PBRM1: variants seen among roughly 807,000 people sequenced by gnomAD.
PBRM1 encodes the protein protein polybromo-1.
Under a neutral mutation model 194.5 loss-of-function variants are expected in PBRM1, and 27 were observed. The observed-to-expected ratio is 0.14, with a 90% CI of 0.10 to 0.19. The LOEUF is 0.19. Ranked by LOEUF, PBRM1 falls within the 10% of genes least tolerant of loss-of-function variation. PBRM1 has a pLI of 1.00. For missense variants in PBRM1, 1,466 were observed against 2,077.2 expected, an observed-to-expected ratio of 0.71 and a Z score of 5.72; for synonymous variants, 655 against 693.2, an observed-to-expected ratio of 0.94 and a Z score of 0.87.
intron 16 of PBRM1, among the ~76,000 whole-genome samples, chr3:52,604,692 T>C (rs1457577973): frequency 6.6e-6 from 1 of 151,492 alleles, no homozygotes; most frequent in Non-Finnish European, 1.5e-5. Flanking sequence ...AGACCCTGTC[T>C]GTTAAAAAAA....
intron 15 of PBRM1, among the ~76,000 whole-genome samples, chr3:52,612,053 T>G: frequency 6.8e-6 from 1 of 147,498 alleles, no homozygotes; most frequent in East Asian, 2.0e-4. Context: ...AGGTTAGGAG[T>G]TCAAGACCAG....
At chr3:52,633,331 C>T (rs2095685339) in intron 11 of PBRM1, among the ~76,000 whole-genome samples, 1 of 152,102 alleles carries the variant, frequency 6.6e-6, no homozygotes, top group South Asian at 2.1e-4. Context: ...AAGCTTCATC[C>T]ATGTTAGAGC....
At chr3:52,659,487 C>T (rs1293092547) in intron 4 of PBRM1, among the ~76,000 whole-genome samples, 1 of 152,058 alleles carries the variant, frequency 6.6e-6, no homozygotes, top group African/African-American at 2.4e-5. Context: ...AGTGGTGTGA[C>T]CATGGCTCAC....
At chr3:52,638,381 C>T (rs1207082433) in intron 10 of PBRM1, among the ~76,000 whole-genome samples, 52 of 147,044 alleles carry the variant, frequency 3.5e-4, no homozygotes, top group Non-Finnish European at 5.8e-4. Context: ...TTTTTTGAGA[C>T]GGAGTCTCGC....
chr3:52,649,563 C>T (rs1429201355), intron 6 of PBRM1, among the ~76,000 whole-genome samples: 1 of 152,194 alleles, frequency 6.6e-6, no homozygotes, highest in African/African-American at 2.4e-5. Context: ...AGGCTAGTTC[C>T]TCAACCTTTC....
At chr3:52,629,018 T>C in exon 12 of PBRM1, 3 of 1,608,550 alleles carry the variant, frequency 1.9e-6, no homozygotes, top group Non-Finnish European at 1.7e-6. Flanking sequence ...TTCATATTCT[T>C]GATTCTTCAG....
At chr3:52,572,504 C>T (rs1312066760) in intron 22 of PBRM1, among the ~76,000 whole-genome samples, 6 of 152,062 alleles carry the variant, frequency 3.9e-5, no homozygotes, top group South Asian at 4.1e-4. Context: ...TCTGAGTAGC[C>T]GGGATTACAG....
intron 25 of PBRM1, among the ~76,000 whole-genome samples, 182 bp from the exon 28 acceptor site, chr3:52,558,595 A>G (rs2082717872): frequency 6.6e-6 from 1 of 152,220 alleles, no homozygotes. Flanking sequence ...CCTAGAGTCC[A>G]GCTTTCCTAT....
rs925103329 is a variant in PBRM1 at position 52,609,209 on chromosome 3, A to G, written c.2567+104T>C. The G allele has an allele frequency of 5.6e-6, 5 of 894,720 alleles. No homozygotes were observed. Among genetic ancestry groups the G allele is most frequent in the Non-Finnish European group, 8.6e-6 (5 of 581,440 alleles). The allele number at this position is 894,720 out of a possible 1,614,324, so 55.4% of individuals were successfully genotyped here. A position where few individuals can be genotyped will look rare whatever the true frequency, so the allele number is the denominator to read the frequency against. Reference sequence around the variant, plus strand: ...TCAGAATAGCATGCTACCAACTACAAATCATGTATGTAAGTGGAAATAGTA... The same window carrying G: ...TCAGAATAGCATGCTACCAACTACAGATCATGTATGTAAGTGGAAATAGTA... On this transcript the variant is annotated intron_variant, in intron 16 of 29. Transcript: ENST00000296302. The surrounding 1 kb of genome is among the most constrained non-coding windows in gnomAD (Gnocchi z 4.1).
At chr3:52,575,604 CTG>C (rs1174783510) in intron 22 of PBRM1, among the ~76,000 whole-genome samples, 50 of 143,828 alleles carry the variant, frequency 3.5e-4, no homozygotes, top group African/African-American at 1.1e-3. Flanking sequence ...GCCTCTGCCT[CTG>C]CCTCTGCCTC....
chr3:52,643,640 T>C (rs1195859965), intron 8 of PBRM1, among the ~76,000 whole-genome samples: 11 of 152,144 alleles, frequency 7.2e-5, no homozygotes, highest in African/African-American at 2.4e-4. Context: ...CCATTTCAGG[T>C]AGGGAGAAAT....
At chr3:52,622,932 C>T (rs759592928) in intron 13 of PBRM1, among the ~76,000 whole-genome samples, 13 of 152,152 alleles carry the variant, frequency 8.5e-5, no homozygotes, top group Non-Finnish European at 1.5e-4. Flanking sequence ...AATACTTCTA[C>T]CAAATGTTAA....
intron 2 of PBRM1, among the ~76,000 whole-genome samples, chr3:52,677,653 T>C (rs1213638190): frequency 6.6e-6 from 1 of 152,132 alleles, no homozygotes; most frequent in African/African-American, 2.4e-5. Context: ...CCTCAGCTGA[T>C]CCACCCGCCT....
intron 27 of PBRM1, among the ~76,000 whole-genome samples, chr3:52,552,327 C>T (rs1247901579): frequency 6.6e-6 from 1 of 152,162 alleles, no homozygotes; most frequent in Admixed American, 6.5e-5. Context: ...CTTGGGCAGC[C>T]GGTGAGAATC....
intron 25 of PBRM1, chr3:52,560,715 A>G (rs914180793): frequency 1.3e-5 from 2 of 152,222 alleles, no homozygotes; most frequent in African/African-American, 4.8e-5. Context: ...TTTTGCCACA[A>G]AATGTTTTTT....
intron 11 of PBRM1, among the ~76,000 whole-genome samples, chr3:52,631,487 C>G (rs1560540440): frequency 6.6e-6 from 1 of 152,238 alleles, no homozygotes; most frequent in South Asian, 2.1e-4. Flanking sequence ...CTTCTTGACT[C>G]TATCTGGGTA....
intron 10 of PBRM1, among the ~76,000 whole-genome samples, chr3:52,637,773 CAAAAAAAAAAAAAAAAAAAA>C (rs755241328): frequency 2.4e-5 from 1 of 42,236 alleles, no homozygotes. Flanking sequence ...ACTAAAAATA[CAAAAAAAAAAAAAAAAAAAA>C]AAAATTAGCC....
At chr3:52,580,628 CG>C (rs2090922769) in intron 20 of PBRM1, among the ~76,000 whole-genome samples, 1 of 152,132 alleles carries the variant, frequency 6.6e-6, no homozygotes, top group Admixed American at 6.5e-5. Context: ...TCCCAAAGTG[CG>C]GGGATTACAG....
intron 2 of PBRM1, among the ~76,000 whole-genome samples, chr3:52,676,308 T>C (rs1276108654): frequency 6.6e-6 from 1 of 152,196 alleles, no homozygotes; most frequent in African/African-American, 2.4e-5. Context: ...AATTGTTATC[T>C]CCTAGAATTC....
Sources: gnomAD v4.1 joint callset for allele counts (sites outside exome capture counted in the v4.1 genomes callset) on GRCh38, gnomAD v4.1.1 for gene constraint, Gnocchi (gnomAD v3.1) non-coding constraint, MANE v1.5 for transcripts, NCBI Gene and HGNC (gene_info 2026-07-23, HGNC 2026-07-21) for gene names.